The following FANK1 variants were observed in gnomAD, a reference collection of about 807,000 sequenced individuals.
FANK1 encodes fibronectin type 3 and ankyrin repeat domains protein 1.
In FANK1, 44 loss-of-function variants were observed where a neutral mutation model predicts 45.3. The ratio of observed to expected loss-of-function variants is 0.97; its 90% CI spans 0.76 to 1.25. The LOEUF is 1.25. Among genes scored for constraint, FANK1 ranks in the 50% most tolerant of loss-of-function variants. The probability of loss-of-function intolerance (pLI) is 0.00; values close to 1 mark genes in which losing one functional copy is unlikely to be tolerated. For synonymous variants in FANK1, 149 were observed against 152.5 expected (o/e 0.98, Z 0.17); for missense variants, 391 against 424.4 (o/e 0.92, Z 0.69).
intron 4 of FANK1, 52 bp from the exon 5 acceptor site, chr10:125,996,498 T>C: frequency 6.4e-7 from 1 of 1,566,152 alleles, no homozygotes; most frequent in East Asian, 2.2e-5. Context: ...CGGCTTTGAC[T>C]CTGCAGTAGC....
intron 1 of FANK1, among the ~76,000 whole-genome samples, chr10:125,954,967 T>G (rs1373045310): frequency 1.3e-5 from 2 of 151,906 alleles, no homozygotes. Context: ...AAAGGAGGAT[T>G]TACGTAACTA....
intron 3 of FANK1, among the ~76,000 whole-genome samples, chr10:125,995,175 G>T (rs752092411): frequency 1.3e-4 from 20 of 152,032 alleles, no homozygotes; most frequent in Non-Finnish European, 2.5e-4. Flanking sequence ...CATTCACAAA[G>T]CAATACTGTA....
chr10:125,909,895 C>T (rs890482814), intron 1 of FANK1, among the ~76,000 whole-genome samples: 2 of 151,664 alleles, frequency 1.3e-5, no homozygotes, highest in Non-Finnish European at 2.9e-5. Flanking sequence ...TTTCCCCCAC[C>T]CCAGAGTTAG....
intron 1 of FANK1, chr10:125,974,938 G>A (rs1191770089): frequency 6.6e-6 from 1 of 152,068 alleles, no homozygotes; most frequent in African/African-American, 2.4e-5. Flanking sequence ...GTTGTACATA[G>A]TATTACATCA....
At chr10:125,898,008 A>G (rs77291454) in intron 1 of FANK1, among the ~76,000 whole-genome samples, 1 of 95,524 alleles carries the variant, frequency 1.0e-5, no homozygotes, top group Non-Finnish European at 2.3e-5. Context: ...CAAAAAAAAA[A>G]AAAAAAAAAA....
chr10:125,981,496 CAAAA>C (rs60627576), intron 2 of FANK1, among the ~76,000 whole-genome samples: 6 of 117,336 alleles, frequency 5.1e-5, no homozygotes, highest in Non-Finnish European at 6.9e-5. Context: ...GACCCTGTCT[CAAAA>C]AAAAAAAAAA....
At chr10:125,899,159 C>G (rs1589746815) in intron 1 of FANK1, among the ~76,000 whole-genome samples, 1 of 152,226 alleles carries the variant, frequency 6.6e-6, no homozygotes, top group Non-Finnish European at 1.5e-5. Context: ...CTCCCGGGTT[C>G]AAGTAATTCT....
chr10:125,998,694 G>GA (rs746026368), intron 6 of FANK1, among the ~76,000 whole-genome samples: 2 of 152,152 alleles, frequency 1.3e-5, no homozygotes, highest in Non-Finnish European at 2.9e-5. Context: ...ATGTAAACAT[G>GA]AAAAGAAGTT....
chr10:125,913,290 A>G (rs1946178344), intron 1 of FANK1, among the ~76,000 whole-genome samples: 1 of 152,044 alleles, frequency 6.6e-6, no homozygotes, highest in Non-Finnish European at 1.5e-5. Flanking sequence ...CATGACACCC[A>G]AACTCATTCT....
At chr10:125,940,651 A>C (rs1213877688) in intron 1 of FANK1, among the ~76,000 whole-genome samples, 1 of 151,910 alleles carries the variant, frequency 6.6e-6, no homozygotes, top group Non-Finnish European at 1.5e-5. Context: ...CTCAGCACGG[A>C]TCATTTACAG....
intron 1 of FANK1, among the ~76,000 whole-genome samples, chr10:125,958,596 A>C (rs1949727455): frequency 1.3e-5 from 2 of 152,130 alleles, no homozygotes; most frequent in South Asian, 4.1e-4. Flanking sequence ...ACTACTTTAC[A>C]TTCCCACCAA....
At chr10:125,997,516 T>G in intron 6 of FANK1, 31 bp downstream of exon 6, 1 of 1,598,362 alleles carries the variant, frequency 6.3e-7, no homozygotes, top group Middle Eastern at 1.7e-4. Flanking sequence ...GAAATTGTGC[T>G]GATGTTCTCA....
chr10:125,956,122 G>A (rs984180632), intron 1 of FANK1, among the ~76,000 whole-genome samples: 11 of 136,280 alleles, frequency 8.1e-5, no homozygotes, highest in South Asian at 2.4e-4. Flanking sequence ...GCTGAAAGGC[G>A]TTCTGCCTAG....
At chr10:125,963,420 C>T (rs1465710139) in intron 1 of FANK1, among the ~76,000 whole-genome samples, 1 of 152,216 alleles carries the variant, frequency 6.6e-6, no homozygotes, top group Non-Finnish European at 1.5e-5. Context: ...GATTATAAAT[C>T]ATGCTGCTAT....
chr10:125,906,515 C>CAAAAAAAAGAAAAAAA (rs1945533023), intron 1 of FANK1, among the ~76,000 whole-genome samples: 1 of 46,410 alleles, frequency 2.2e-5, no homozygotes, highest in Non-Finnish European at 4.3e-5. Flanking sequence ...GACTCTGTCT[C>CAAAAAAAAGAAAAAAA]AAAAAAAAAA....
intron 1 of FANK1, among the ~76,000 whole-genome samples, chr10:125,914,068 C>A (rs1341834917): frequency 6.6e-6 from 1 of 152,012 alleles, no homozygotes; most frequent in East Asian, 1.9e-4. Context: ...TCTTATAATT[C>A]TTAAATTAAG....
chr10:125,955,696 T>C (rs1248574899), intron 1 of FANK1, among the ~76,000 whole-genome samples: 1 of 152,188 alleles, frequency 6.6e-6, no homozygotes, highest in African/African-American at 2.4e-5. Context: ...GTTCTCAAAC[T>C]CTGAGGCTCA....
At chr10:125,994,975 T>C (rs1952214513) in intron 3 of FANK1, 1 of 980,076 alleles carries the variant, frequency 1.0e-6, no homozygotes, top group Non-Finnish European at 1.2e-6. Context: ...GTCACATTCC[T>C]GGGAAGAACT....
At chr10:125,951,178 G>A (rs910823805) in intron 1 of FANK1, among the ~76,000 whole-genome samples, 1 of 150,274 alleles carries the variant, frequency 6.7e-6, no homozygotes, top group Non-Finnish European at 1.5e-5. Flanking sequence ...CACCAGCATG[G>A]CACATGTATA....
Sources: gnomAD v4.1 joint callset for allele counts (sites outside exome capture counted in the v4.1 genomes callset) on GRCh38, gnomAD v4.1.1 for gene constraint, MANE v1.5 for transcripts, NCBI Gene and HGNC (gene_info 2026-07-23, HGNC 2026-07-21) for gene names.